The following CSNK2A2 variants were observed in gnomAD, a reference collection of about 807,000 sequenced individuals.
The protein encoded by CSNK2A2 is casein kinase 2 alpha 2.
A neutral mutation model predicts 54.0 loss-of-function variants in CSNK2A2; 8 were observed. The ratio of observed to expected loss-of-function variants is 0.15; its 90% CI spans 0.09 to 0.27. The LOEUF is 0.27. CSNK2A2 is among the 10% of genes least tolerant of loss of function. The probability of loss-of-function intolerance (pLI) is 1.00; values close to 1 mark genes in which losing one functional copy is unlikely to be tolerated. For synonymous variants in CSNK2A2, 141 were observed against 153.9 expected (o/e 0.92, Z 0.62); for missense variants, 242 against 439.4 (o/e 0.55, Z 4.02).
chr16:58,194,068 C>CT (rs1962376514), intron 2 of CSNK2A2, among the ~76,000 whole-genome samples: 1 of 152,202 alleles, frequency 6.6e-6, no homozygotes, highest in African/African-American at 2.4e-5. Flanking sequence ...TTGCAAAGAA[C>CT]TGATACGAAA....
rs1433940583 is a variant in CSNK2A2, at chr16:58,174,508, T to A, written c.372A>T (p.Gln124His). 6.2e-7 allele frequency: 1 copy of A among 1,611,828 alleles called. No homozygotes were observed. Among genetic ancestry groups the A allele is most frequent in the East Asian group, 2.2e-5 (1 of 44,760 alleles). The change falls in exon 5 of 12, where the codon CAA (glutamine) becomes CAT (histidine). Residue 124 changes from glutamine to histidine, a missense_variant and splice_region_variant. This residue lies in a region of CSNK2A2 where 69 missense variants were observed against 97.0 expected (regional missense o/e 0.71). Coordinates refer to ENST00000262506, the MANE Select transcript of CSNK2A2 (RefSeq NM_001896.4). ...CAAAGTCTGTCAGGATCTGGTAGAGTTGCTGAAACAGATTCCAGAAAACAG... is the reference window on the plus strand; with the variant it reads ...CAAAGTCTGTCAGGATCTGGTAGAGATGCTGAAACAGATTCCAGAAAACAG... ...FEYINNTDFK[Q>H]LYQILTDFDI...
chr16:58,169,853 T>G (rs1418774587), intron 5 of CSNK2A2, among the ~76,000 whole-genome samples: 1 of 152,074 alleles, frequency 6.6e-6, no homozygotes, highest in Non-Finnish European at 1.5e-5. Context: ...AAGACCAGCC[T>G]GGCCAACATG....
In CSNK2A2 at chr16:58,197,756, C is replaced by CGGCGCGG. The variant is rs1212415193; in HGVS notation, c.-27_-21dup. 2 of 1,067,340 alleles carry CGGCGCGG rather than the reference C, an allele frequency of 1.9e-6. No individual in the cohort carries two copies. The highest frequency in any genetic ancestry group is 3.5e-5 in the African/African-American group (2 of 57,686). The allele number at this position is 1,067,340 out of a possible 1,614,324, so 66.1% of individuals were successfully genotyped here. A position where few individuals can be genotyped will look rare whatever the true frequency, so the allele number is the denominator to read the frequency against. On this transcript the variant is annotated 5_prime_UTR_variant, in exon 1 of 12. Transcript: ENST00000262506. The surrounding 1 kb of genome is among the most constrained non-coding windows in gnomAD (Gnocchi z 4.0). ...GGGCATGGCGGGCGGGACCGGGGGG[C>CGGCGCGG]GGCGCGGGGCGCAGAGGGTGGCGGC...
At chr16:58,162,156 A>AG (rs1321164984) in intron 11 of CSNK2A2, 2 of 152,210 alleles carry the variant, frequency 1.3e-5, no homozygotes, top group Non-Finnish European at 2.9e-5. Context: ...AAAGACACGC[A>AG]GTGGCACATC....
chr16:58,197,526 G>A lies in CSNK2A2; in HGVS notation c.104+107C>T, dbSNP rs958008364. 14 of 565,580 alleles carry A rather than the reference G, an allele frequency of 2.5e-5. No homozygotes were observed. The highest frequency in any genetic ancestry group is 1.0e-4 in the African/African-American group (5 of 48,942). 35.0% of individuals were successfully genotyped at this position (565,580 alleles called of 1,614,324 possible). On this transcript the variant is annotated intron_variant, in intron 1 of 11. Transcript: ENST00000262506. The surrounding 1 kb of genome is among the most constrained non-coding windows in gnomAD (Gnocchi z 4.0). ...GGGACCTCTGCCTCCCTGCGGGCCC[G>A]CGGAGGGGTCGGCGGGAGACACCAC... is the stretch of plus-strand genomic sequence containing the variant.
intron 5 of CSNK2A2, 130 bp from the exon 6 acceptor site, chr16:58,168,823 G>T: frequency 1.5e-6 from 1 of 671,994 alleles, no homozygotes; most frequent in Non-Finnish European, 2.5e-6. Flanking sequence ...TGCCTGTAAT[G>T]AAAGAGAAAA....
chr16:58,168,100 C>T (rs776521315), intron 6 of CSNK2A2, among the ~76,000 whole-genome samples: 1 of 152,156 alleles, frequency 6.6e-6, no homozygotes. Context: ...GTAACACATT[C>T]TCCCATCATT....
chr16:58,169,537 G>A (rs1961677685), intron 5 of CSNK2A2, among the ~76,000 whole-genome samples: 1 of 151,482 alleles, frequency 6.6e-6, no homozygotes. Flanking sequence ...GGAGGGGGGT[G>A]TGTGTGTGGG....
intron 11 of CSNK2A2, chr16:58,159,081 G>A (rs34170742): frequency 0.13 from 20,324 of 152,210 alleles, 1,892 homozygotes; most frequent in Admixed American, 0.26. Flanking sequence ...GTTCCACTGC[G>A]TAGTATTTGA....
At chr16:58,182,403 A>AAAAAAAAAAC in intron 4 of CSNK2A2, among the ~76,000 whole-genome samples, 1 of 143,082 alleles carries the variant, frequency 7.0e-6, no homozygotes, top group Non-Finnish European at 1.5e-5. Context: ...AAAAAAAAAA[A>AAAAAAAAAAC]AACTAGCCAG....
At position 58,197,754 on chromosome 16, in the gene CSNK2A2, G is replaced by A. The variant is rs1262406181; in HGVS notation, c.-18C>T. On this transcript the variant is annotated 5_prime_UTR_variant, in exon 1 of 12. Transcript: ENST00000262506. The surrounding 1 kb of genome is among the most constrained non-coding windows in gnomAD (Gnocchi z 4.0). ...CCGGGCATGGCGGGCGGGACCGGGG[G>A]GCGGCGCGGGGCGCAGAGGGTGGCG... 1.9e-5 allele frequency: 21 copies of A among 1,077,046 alleles called. No homozygotes were observed. In the East Asian group the frequency reaches 9.4e-4, roughly 48 times the overall value. 66.7% of individuals were successfully genotyped at this position (1,077,046 alleles called of 1,614,324 possible).
chr16:58,186,924 T>C (rs1231822181), intron 2 of CSNK2A2, 68 bp from the exon 3 acceptor site: 1 of 1,245,036 alleles, frequency 8.0e-7, no homozygotes, highest in South Asian at 1.3e-5. Context: ...TTTAAAACAA[T>C]GTTAGCCAAT....
At chr16:58,186,614 T>C in intron 3 of CSNK2A2, 141 bp downstream of exon 3, 1 of 576,638 alleles carries the variant, frequency 1.7e-6, no homozygotes, top group Non-Finnish European at 3.0e-6. Context: ...CATGATTTTT[T>C]TCTGGTTTTC....
At chr16:58,182,554 C>CAAAAAAAA (rs59002536) in intron 4 of CSNK2A2, among the ~76,000 whole-genome samples, 2 of 80,650 alleles carry the variant, frequency 2.5e-5, no homozygotes, top group African/African-American at 8.6e-5. Context: ...GGCTCCGTCT[C>CAAAAAAAA]AAAAAAAAAA....
At position 58,178,313 on chromosome 16, in the gene CSNK2A2, T is replaced by C. The variant is rs747690117; in HGVS notation, c.370-3803A>G. Among the ~76,000 whole-genome samples the C allele has an allele frequency of 1.3e-4, 19 of 151,516 alleles. 1 individual carries two copies. Among genetic ancestry groups the C allele is most frequent in the Non-Finnish European group, 7.4e-5 (5 of 67,906 alleles). On this transcript the variant is annotated intron_variant, in intron 4 of 11. Coordinates refer to ENST00000262506, the MANE Select transcript of CSNK2A2 (RefSeq NM_001896.4). ...TTTTTCTTTCAATTGAGATGGAGTC[T>C]CACTCTGTTGCCCAGGCTGGAGTGC...
chr16:58,182,849 A>T (rs1962093014), intron 4 of CSNK2A2, among the ~76,000 whole-genome samples: 1 of 152,232 alleles, frequency 6.6e-6, no homozygotes, highest in Admixed American at 6.5e-5. Context: ...CTACCAGCTA[A>T]GCGCTGTTAT....
chr16:58,167,078 T>C (rs1597110063), intron 8 of CSNK2A2, 129 bp downstream of exon 8: 1 of 578,782 alleles, frequency 1.7e-6, no homozygotes, highest in Non-Finnish European at 2.9e-6. Flanking sequence ...GCGATCTTTA[T>C]CTTGAAGAAA....
chr16:58,193,280 A>G (rs1212782147), intron 2 of CSNK2A2, among the ~76,000 whole-genome samples: 2 of 152,266 alleles, frequency 1.3e-5, no homozygotes, highest in African/African-American at 2.4e-5. Flanking sequence ...CGATGAAGCT[A>G]CTAACAAAGA....
At chr16:58,176,105 C>A (rs1961871079) in intron 4 of CSNK2A2, among the ~76,000 whole-genome samples, 2 of 152,340 alleles carry the variant, frequency 1.3e-5, no homozygotes, top group African/African-American at 4.8e-5. Flanking sequence ...GCAGCTCCTC[C>A]TCTGTGAGTT....
Sources: allele counts gnomAD v4.1 joint callset (sites outside exome capture counted in the v4.1 genomes callset), GRCh38; gene constraint gnomAD v4.1.1; regional missense constraint gnomAD v4.1.1; non-coding constraint Gnocchi (gnomAD v3.1); transcripts MANE v1.5; gene names NCBI Gene and HGNC (gene_info 2026-07-23, HGNC 2026-07-21).